Variants in EXTL3 observed in about 807,000 individuals in gnomAD.
EXTL3 encodes the protein exostosin-like 3.
In EXTL3, 27 loss-of-function variants were observed where a neutral mutation model predicts 69.3. That is an observed-to-expected ratio of 0.39 (90% CI 0.29 to 0.54). EXTL3 has a LOEUF of 0.54. Ranked by LOEUF, EXTL3 falls within the 20% of genes least tolerant of loss-of-function variation. The pLI is 0.69. For missense variants in EXTL3, 1,003 were observed against 1,231.8 expected, an observed-to-expected ratio of 0.81 and a Z score of 2.78; for synonymous variants, 511 against 499.4, an observed-to-expected ratio of 1.02 and a Z score of -0.31.
rs58970283 is a variant in EXTL3 at position 28,710,110 on chromosome 8, AT to A, written c.-569-3339del. ...TAAATCTCTGTATACAACTATTTTA[AT>A]TTTTTTTCCCCTGGGAGAAGACACT... On this transcript the variant is annotated intron_variant, in intron 1 of 6. Coordinates refer to ENST00000220562, the MANE Select transcript of EXTL3 (RefSeq NM_001440.4). 9.9e-5 allele frequency among the ~76,000 whole-genome samples: 15 copies of A among 152,048 alleles called. 1 individual carries two copies. The South Asian group carries it at 2.9e-3, about 29-fold the overall frequency.
At chr8:28,732,977 C>T (rs887698464) in intron 4 of EXTL3, among the ~76,000 whole-genome samples, 4 of 152,182 alleles carry the variant, frequency 2.6e-5, no homozygotes, top group Admixed American at 6.5e-5. Context: ...GGCAACCTGC[C>T]CGCCTCGGCC....
intron 1 of EXTL3, among the ~76,000 whole-genome samples, chr8:28,638,595 T>C (rs909714105): frequency 2.0e-5 from 3 of 152,304 alleles, no homozygotes; most frequent in South Asian, 2.1e-4. Context: ...GACAATCTTC[T>C]ACTCAATTTC....
intron 1 of EXTL3, among the ~76,000 whole-genome samples, chr8:28,651,305 C>T (rs1278647023): frequency 6.6e-6 from 1 of 152,142 alleles, no homozygotes. Flanking sequence ...CATTATCCTT[C>T]CTGATAAGCT....
intron 1 of EXTL3, among the ~76,000 whole-genome samples, chr8:28,687,339 G>A (rs1018109876): frequency 4.6e-5 from 7 of 152,238 alleles, no homozygotes; most frequent in African/African-American, 1.4e-4. Flanking sequence ...AGCGGCATGC[G>A]CCTGTAATCC....
upstream of EXTL3, among the ~76,000 whole-genome samples, chr8:28,620,309 A>C (rs1167157750): frequency 6.6e-6 from 1 of 152,090 alleles, no homozygotes; most frequent in African/African-American, 2.4e-5. Context: ...ACATTGTAGA[A>C]CTTCTCATTT....
At chr8:28,659,727 C>T (rs1392653715) in intron 1 of EXTL3, among the ~76,000 whole-genome samples, 3 of 152,196 alleles carry the variant, frequency 2.0e-5, no homozygotes, top group African/African-American at 4.8e-5. Flanking sequence ...CCAAACTCAG[C>T]AAGAGAACAA....
At chr8:28,647,500 C>T (rs568906159) in intron 1 of EXTL3, among the ~76,000 whole-genome samples, 1 of 152,298 alleles carries the variant, frequency 6.6e-6, no homozygotes, top group African/African-American at 2.4e-5. Flanking sequence ...CTGTTGTCAT[C>T]TGACGGTATG....
chr8:28,732,218 A>G (rs1801551959), intron 4 of EXTL3, among the ~76,000 whole-genome samples: 1 of 152,020 alleles, frequency 6.6e-6, no homozygotes, highest in Non-Finnish European at 1.5e-5. Flanking sequence ...GATGAAGGCT[A>G]CTCCAGGTAT....
chr8:28,718,256 C>T, intron 3 of EXTL3, 49 bp downstream of exon 3: 2 of 1,551,766 alleles, frequency 1.3e-6, no homozygotes, highest in Non-Finnish European at 1.8e-6. Context: ...TAGTATTTCA[C>T]TCTTAATCCC....
intron 3 of EXTL3, among the ~76,000 whole-genome samples, chr8:28,722,792 A>AAT (rs1801324404): frequency 6.6e-6 from 1 of 151,746 alleles, no homozygotes; most frequent in African/African-American, 2.4e-5. Flanking sequence ...AAAAAAAAAA[A>AAT]AAAAGAGAGA....
intron 1 of EXTL3, among the ~76,000 whole-genome samples, chr8:28,677,778 A>G (rs758377336): frequency 2.6e-5 from 4 of 152,260 alleles, no homozygotes; most frequent in Non-Finnish European, 5.9e-5. Context: ...GTGAGCAGCT[A>G]TCTGCCTGTG....
intron 1 of EXTL3, among the ~76,000 whole-genome samples, chr8:28,703,910 T>A (rs971258964): frequency 2.0e-5 from 3 of 152,182 alleles, no homozygotes; most frequent in Non-Finnish European, 4.4e-5. Context: ...GGCAGCTGAC[T>A]GAGAGGGAAG....
At chr8:28,631,642 C>T (rs1205515118) in intron 1 of EXTL3, 1 of 152,138 alleles carries the variant, frequency 6.6e-6, no homozygotes, top group African/African-American at 2.4e-5. Flanking sequence ...AGCAACCATC[C>T]AGGGAATATG....
intron 1 of EXTL3, among the ~76,000 whole-genome samples, chr8:28,679,588 T>G (rs1276507323): frequency 6.6e-6 from 1 of 151,498 alleles, no homozygotes; most frequent in Non-Finnish European, 1.5e-5. Context: ...AAACTAAACA[T>G]AGCTAGGTGT....
Position 28,752,851 on chromosome 8 carries a change from T to G in EXTL3, c.*1985T>G, listed in dbSNP as rs1378327498. 6.5e-6 allele frequency: 1 copy of G among 152,736 alleles called. No homozygotes were observed. The highest frequency in any genetic ancestry group is 1.5e-5 in the Non-Finnish European group (1 of 68,112). The allele number at this position is 152,736 out of a possible 1,614,324, so 9.5% of individuals were successfully genotyped here. A position where few individuals can be genotyped will look rare whatever the true frequency, so the allele number is the denominator to read the frequency against. ...TATTGTGGCTGCTATTTCATCTGGT[T>G]TCTTTTAATGTGAGGAACTCACATA... On this transcript the variant is annotated 3_prime_UTR_variant, in exon 7 of 7. Coordinates refer to ENST00000220562, the MANE Select transcript of EXTL3 (RefSeq NM_001440.4).
intron 1 of EXTL3, among the ~76,000 whole-genome samples, chr8:28,671,015 C>G (rs1286603054): frequency 1.3e-5 from 2 of 150,844 alleles, no homozygotes; most frequent in African/African-American, 2.4e-5. Flanking sequence ...GAGTCTTGCT[C>G]TGTCACCTAG....
chr8:28,750,945 T>G lies in EXTL3; in HGVS notation c.*79T>G. On this transcript the variant is annotated 3_prime_UTR_variant, in exon 7 of 7. Transcript: ENST00000220562. The surrounding 1 kb of genome is among the most constrained non-coding windows in gnomAD (Gnocchi z 5.2). ...AAGGTTCCTAGGCATTGCAGGACCTTGGGCACATCTGCTGGTGGGTGGCCC... is the reference window on the plus strand; with the variant it reads ...AAGGTTCCTAGGCATTGCAGGACCTGGGGCACATCTGCTGGTGGGTGGCCC... The G allele has an allele frequency of 7.9e-7, 1 of 1,267,558 alleles. No individual in the cohort carries two copies. Among genetic ancestry groups the G allele is most frequent in the Non-Finnish European group, 1.1e-6 (1 of 880,406 alleles). 78.5% of individuals were successfully genotyped at this position (1,267,558 alleles called of 1,614,324 possible).
intron 1 of EXTL3, among the ~76,000 whole-genome samples, chr8:28,641,262 G>A (rs1806737952): frequency 1.3e-5 from 2 of 152,106 alleles, no homozygotes; most frequent in South Asian, 2.1e-4. Context: ...TAACAGACTG[G>A]TTTAACTCTG....
At chr8:28,615,878 G>T (rs1806324101) in intron 2 of EXTL3, among the ~76,000 whole-genome samples, 1 of 151,992 alleles carries the variant, frequency 6.6e-6, no homozygotes, top group African/African-American at 2.4e-5. Flanking sequence ...CCGGCCTGCA[G>T]CTTTCTTTTG....
Sources: allele counts gnomAD v4.1 joint callset (sites outside exome capture counted in the v4.1 genomes callset), GRCh38; gene constraint gnomAD v4.1.1; non-coding constraint Gnocchi (gnomAD v3.1); transcripts MANE v1.5; gene names NCBI Gene and HGNC (gene_info 2026-07-23, HGNC 2026-07-21).